The following LRMDA variants were observed in gnomAD, a reference collection of about 807,000 sequenced individuals.
LRMDA encodes leucine rich melanocyte differentiation associated.
In LRMDA, 18 loss-of-function variants were observed where a neutral mutation model predicts 29.8. That is an observed-to-expected ratio of 0.60 (90% CI 0.42 to 0.90). LRMDA has a LOEUF of 0.90. Among genes scored for constraint, LRMDA ranks in the 40% least tolerant of loss-of-function variants. The pLI is 0.00. For missense variants in LRMDA, 273 were observed against 273.9 expected (o/e 1.00, Z 0.02); for synonymous variants, 125 against 109.4 (o/e 1.14, Z -0.89).
intron 2 of LRMDA, among the ~76,000 whole-genome samples, chr10:75,683,580 G>A (rs1842049400): frequency 6.6e-6 from 1 of 152,202 alleles, no homozygotes; most frequent in Non-Finnish European, 1.5e-5. Context: ...TCAAATTAAT[G>A]GAGAATAAAA....
At chr10:76,417,473 CA>C (rs777818457) in intron 6 of LRMDA, among the ~76,000 whole-genome samples, 2,079 of 144,162 alleles carry the variant, frequency 0.014, 33 homozygotes, top group Middle Eastern at 0.021. Context: ...ACCACCCAGA[CA>C]AAAAAAAAAA....
At chr10:76,505,363 T>C (rs750377791) in intron 6 of LRMDA, among the ~76,000 whole-genome samples, 4 of 152,116 alleles carry the variant, frequency 2.6e-5, no homozygotes, top group Non-Finnish European at 5.9e-5. Flanking sequence ...TCTAGCAAGA[T>C]TGGAGAAATG....
intron 5 of LRMDA, among the ~76,000 whole-genome samples, chr10:76,132,365 T>C (rs1275032172): frequency 6.6e-6 from 1 of 152,158 alleles, no homozygotes; most frequent in Non-Finnish European, 1.5e-5. Flanking sequence ...TCGAGTCTTC[T>C]TAGATGTCAG....
intron 2 of LRMDA, among the ~76,000 whole-genome samples, chr10:75,443,909 T>C (rs1844360009): frequency 6.6e-6 from 1 of 152,218 alleles, no homozygotes; most frequent in Non-Finnish European, 1.5e-5. Context: ...TGGATTTGTA[T>C]TTACTGCTTG....
intron 6 of LRMDA, among the ~76,000 whole-genome samples, chr10:76,480,828 C>G (rs1232486097): frequency 1.3e-5 from 2 of 151,868 alleles, no homozygotes; most frequent in Admixed American, 1.3e-4. Context: ...AGGTTTGACT[C>G]TATGAATAAC....
At chr10:75,823,735 GACAC>G (rs1844204265) in intron 2 of LRMDA, among the ~76,000 whole-genome samples, 2 of 145,346 alleles carry the variant, frequency 1.4e-5, no homozygotes, top group Admixed American at 6.8e-5. Context: ...TGTGTACACA[GACAC>G]ATATATACCT....
At chr10:76,158,156 A>G (rs538139480) in intron 5 of LRMDA, among the ~76,000 whole-genome samples, 1 of 152,162 alleles carries the variant, frequency 6.6e-6, no homozygotes, top group Admixed American at 6.5e-5. Context: ...CTATAACTTC[A>G]TCTCTAACCA....
At chr10:76,260,803 T>C (rs1462859022) in intron 5 of LRMDA, 3 of 152,224 alleles carry the variant, frequency 2.0e-5, no homozygotes, top group Non-Finnish European at 4.4e-5. Flanking sequence ...TTCTCTGAAA[T>C]ATATGAACTA....
chr10:76,530,891 T>G (rs1257362676), intron 6 of LRMDA, among the ~76,000 whole-genome samples: 1 of 152,200 alleles, frequency 6.6e-6, no homozygotes, highest in South Asian at 2.1e-4. Context: ...ATTTTCAGAA[T>G]GTGCCATGCT....
chr10:75,770,042 G>T (rs940426450), intron 2 of LRMDA, among the ~76,000 whole-genome samples: 2 of 152,158 alleles, frequency 1.3e-5, no homozygotes, highest in African/African-American at 4.8e-5. Context: ...AGAACTTTGG[G>T]AGGCTGAGGC....
At chr10:75,768,387 G>A (rs1843196372) in intron 2 of LRMDA, among the ~76,000 whole-genome samples, 1 of 152,152 alleles carries the variant, frequency 6.6e-6, no homozygotes, top group East Asian at 1.9e-4. Flanking sequence ...CATCAGATGG[G>A]TAATAATCAC....
chr10:75,494,595 G>A (rs1015665246), intron 2 of LRMDA, among the ~76,000 whole-genome samples: 2 of 137,224 alleles, frequency 1.5e-5, no homozygotes, highest in African/African-American at 2.7e-5. Flanking sequence ...CCGCCTCCTG[G>A]GTTCAAGAGA....
chr10:76,360,573 T>C (rs1178391435), intron 6 of LRMDA, among the ~76,000 whole-genome samples: 3 of 152,346 alleles, frequency 2.0e-5, no homozygotes, highest in East Asian at 3.9e-4. Context: ...TGTGTAGTAC[T>C]ATATAGCTTC....
intron 2 of LRMDA, among the ~76,000 whole-genome samples, chr10:75,602,461 C>G (rs983957383): frequency 6.6e-6 from 1 of 152,152 alleles, no homozygotes; most frequent in Non-Finnish European, 1.5e-5. Context: ...TTAGAGAGGT[C>G]GGCCAGCCAT....
chr10:76,392,014 A>T (rs949946297), intron 6 of LRMDA, among the ~76,000 whole-genome samples: 2 of 152,174 alleles, frequency 1.3e-5, no homozygotes, highest in Non-Finnish European at 2.9e-5. Context: ...CTTATGTTGG[A>T]ATAGTGTCTG....
intron 2 of LRMDA, among the ~76,000 whole-genome samples, chr10:75,875,209 C>G (rs2132336521): frequency 6.6e-6 from 1 of 152,296 alleles, no homozygotes; most frequent in Admixed American, 6.5e-5. Context: ...GGAGTTACTA[C>G]CTCATCTCTG....
intron 5 of LRMDA, among the ~76,000 whole-genome samples, chr10:76,116,753 G>T (rs1373599808): frequency 6.6e-6 from 1 of 152,146 alleles, no homozygotes; most frequent in Non-Finnish European, 1.5e-5. Context: ...GGAGTCCTGA[G>T]GGTAGCCATT....
intron 2 of LRMDA, among the ~76,000 whole-genome samples, chr10:75,803,994 A>G (rs1272089626): frequency 1.3e-5 from 2 of 152,158 alleles, no homozygotes; most frequent in Non-Finnish European, 2.9e-5. Context: ...GCAGCGTGTC[A>G]TGTCCCAGCG....
At chr10:76,557,099 C>G in intron 6 of LRMDA, 110 bp from the exon 7 acceptor site, 4 of 832,100 alleles carry the variant, frequency 4.8e-6, no homozygotes, top group Non-Finnish European at 8.2e-6. Flanking sequence ...CATCCACTTT[C>G]TGCTGCCCAT....
Sources: gnomAD v4.1 joint callset for allele counts (sites outside exome capture counted in the v4.1 genomes callset) on GRCh38, gnomAD v4.1.1 for gene constraint, MANE v1.5 for transcripts, NCBI Gene and HGNC (gene_info 2026-07-23, HGNC 2026-07-21) for gene names.